Variants in FAM221A observed in about 807,000 individuals in gnomAD.
The protein encoded by FAM221A is protein FAM221A.
Under a neutral mutation model 37.6 loss-of-function variants are expected in FAM221A, and 43 were observed. The ratio of observed to expected loss-of-function variants is 1.15; its 90% confidence interval spans 0.90 to 1.48. The LOEUF (loss-of-function observed/expected upper bound fraction) is 1.48, where lower values mean the gene tolerates loss of function less well. Ranked by LOEUF, FAM221A falls within the 40% of genes most tolerant of loss-of-function variation. FAM221A has a pLI of 0.00. For missense variants in FAM221A, 361 were observed against 361.5 expected (o/e 1.00, Z 0.01); for synonymous variants, 135 against 132.9 (o/e 1.02, Z -0.11).
At position 23,698,273 on chromosome 7, in the gene FAM221A, G is replaced by A. The variant is rs141261638; in HGVS notation, c.719G>A (p.Ser240Asn). The change falls in exon 5 of 7, where the codon AGT (serine) becomes AAT (asparagine). Residue 240 changes from serine to asparagine, a missense_variant. Physicochemically the swap from Ser to Asn is conservative, Grantham distance 46. Transcript: ENST00000344962. ...CTAAAAGCATTTCAAGCATCATCTA[G>A]TTCTTCTCCAGAAACGTTAACAGAT... is the stretch of plus-strand genomic sequence containing the variant. ...PFLKAFQASS[S>N]SSPETLTDVG... 10 of 1,581,428 alleles carry A rather than the reference G, an allele frequency of 6.3e-6. No homozygotes were observed. The highest frequency in any genetic ancestry group is 1.1e-5 in the South Asian group (1 of 87,090).
rs538621006 is a variant in FAM221A, at chr7:23,692,355, T to C, written c.637+759T>C. The stretch of plus-strand genomic sequence containing the variant: ...ATTTTCTTTTCTTTTCTTTTTTTTT[T>C]TTTGAGACGGAGTTTTGCTCTTCTT... On this transcript the variant is annotated intron_variant, in intron 4 of 6. Coordinates refer to ENST00000344962, the MANE Select transcript of FAM221A (RefSeq NM_199136.5). 1.0e-5 allele frequency: 5 copies of C among 477,586 alleles called. No homozygotes were observed. The South Asian group carries it at 4.7e-4, about 45-fold the overall frequency. The allele number at this position is 477,586 out of a possible 1,614,324, so 29.6% of individuals were successfully genotyped here.
chr7:23,696,566 A>T (rs1198649915), intron 4 of FAM221A, among the ~76,000 whole-genome samples: 1 of 152,188 alleles, frequency 6.6e-6, no homozygotes, highest in African/African-American at 2.4e-5. Context: ...CCTGCCTCAA[A>T]GTAAATAAAT....
chr7:23,680,327 GC>G, intron 1 of FAM221A, 44 bp downstream of exon 1: 1 of 1,479,616 alleles, frequency 6.8e-7, no homozygotes. Context: ...GCTCCGAGGG[GC>G]CAGGATCCCT....
At chr7:23,696,439 G>C (rs576325038) in intron 4 of FAM221A, among the ~76,000 whole-genome samples, 1 of 152,262 alleles carries the variant, frequency 6.6e-6, no homozygotes, top group East Asian at 1.9e-4. Context: ...GTGTGTGCCT[G>C]TAATCCCAGC....
rs866802756 is a variant in FAM221A, at chr7:23,690,202, T to A, written c.430+743T>A. ...ATATATATATATATATATATATATT[T>A]TTTTTTTTTTTAATAGAGTTTTGCT... On this transcript the variant is annotated intron_variant, in intron 3 of 6. Transcript: ENST00000344962. Among the ~76,000 whole-genome samples, 340 of 134,590 alleles carry A rather than the reference T, an allele frequency of 2.5e-3. 1 individual carries two copies. Among genetic ancestry groups the A allele is most frequent in the East Asian group, 8.2e-3 (36 of 4,378 alleles). 88.3% of individuals were successfully genotyped at this position (134,590 alleles called of 152,430 possible). A position where few individuals can be genotyped will look rare whatever the true frequency, so the allele number is the denominator to read the frequency against.
At chr7:23,688,182 C>A (rs924395486) in intron 2 of FAM221A, 2 of 152,116 alleles carry the variant, frequency 1.3e-5, no homozygotes, top group Non-Finnish European at 2.9e-5. Flanking sequence ...GTAGCTGGGA[C>A]TACAGGTGCC....
At chr7:23,688,770 G>C (rs577877876) in intron 2 of FAM221A, 2 of 152,500 alleles carry the variant, frequency 1.3e-5, no homozygotes, top group South Asian at 4.1e-4. Context: ...CTGAGTAGCT[G>C]GGGTTACAGG....
intron 1 of FAM221A, among the ~76,000 whole-genome samples, chr7:23,683,385 A>G (rs1031466255): frequency 2.0e-5 from 3 of 152,186 alleles, no homozygotes; most frequent in Admixed American, 6.5e-5. Flanking sequence ...CCAAGTGTGT[A>G]TTTAGGTTCC....
At chr7:23,696,663 TATGTAACACATG>T (rs1414345079) in intron 4 of FAM221A, among the ~76,000 whole-genome samples, 1 of 152,242 alleles carries the variant, frequency 6.6e-6, no homozygotes, top group Non-Finnish European at 1.5e-5. Context: ...CAAAATGCCT[TATGTAACACATG>T]ATTTCATAGG....
intron 3 of FAM221A, among the ~76,000 whole-genome samples, chr7:23,690,201 T>TATATATATATA (rs1562522045): frequency 7.8e-5 from 3 of 38,504 alleles, no homozygotes; most frequent in East Asian, 1.3e-3. Context: ...ATATATATAT[T>TATATATATATA]TTTTTTTTTT....
At chr7:23,695,864 G>A (rs548485682) in intron 4 of FAM221A, among the ~76,000 whole-genome samples, 1 of 151,578 alleles carries the variant, frequency 6.6e-6, no homozygotes, top group African/African-American at 2.4e-5. Flanking sequence ...TCCAATATTT[G>A]TGACTCTTCT....
downstream of FAM221A, chr7:23,702,672 T>C (rs1358574553): frequency 4.5e-5 from 1 of 22,198 alleles, no homozygotes; most frequent in Non-Finnish European, 1.3e-4. Context: ...TATTACTGAT[T>C]TTTTTTTTCA....
rs1376155867 is a variant in FAM221A, at chr7:23,698,247, C to T, written c.693C>T (p.Phe231=). 5.0e-6 allele frequency: 8 copies of T among 1,598,646 alleles called. No individual in the cohort carries two copies. Among genetic ancestry groups the T allele is most frequent in the Non-Finnish European group, 6.8e-6 (8 of 1,172,628 alleles). Residue 231 remains phenylalanine, a synonymous_variant, in exon 5 of 7, where the codon TTC becomes TTT. Transcript: ENST00000344962. ...CCATTACGGCAGTAGACAGCCCATT[C>T]CTAAAAGCATTTCAAGCATCATCTA... The part of the protein sequence containing the change: ...ESPITAVDSP[F]LKAFQASSSS...
At chr7:23,686,381 A>T (rs1220198782) in intron 2 of FAM221A, 1 of 337,480 alleles carries the variant, frequency 3.0e-6, no homozygotes, top group Admixed American at 3.9e-5. Context: ...CTTCGACCTC[A>T]GCCTCCCAAG....
In FAM221A at chr7:23,689,347, C is replaced by T. The variant is rs781782705; in HGVS notation, c.318C>T (p.Cys106=). The change falls in exon 3 of 7, where the codon TGC becomes TGT. Residue 106 remains cysteine, a synonymous_variant. Transcript: ENST00000344962. Reference sequence around the variant, plus strand: ...ATCTGCCCTGCCAAGTGACTGGCTGCCAGTGCAGGGCTTACCTTTATGTCC... The same window carrying T: ...ATCTGCCCTGCCAAGTGACTGGCTGTCAGTGCAGGGCTTACCTTTATGTCC... ...PIDLPCQVTG[C]QCRAYLYVPL... is the part of the protein sequence containing the mutation. The T allele has an allele frequency of 2.5e-6, 4 of 1,604,310 alleles. No homozygotes were observed. Among genetic ancestry groups the T allele is most frequent in the Non-Finnish European group, 3.4e-6 (4 of 1,172,352 alleles).
intron 3 of FAM221A, among the ~76,000 whole-genome samples, chr7:23,689,764 A>AT: frequency 6.6e-6 from 1 of 152,204 alleles, no homozygotes; most frequent in Non-Finnish European, 1.5e-5. Flanking sequence ...ATGTGATCTG[A>AT]TTCAAATTTT....
chr7:23,682,437 TTA>T (rs71552246), intron 1 of FAM221A, among the ~76,000 whole-genome samples: 639 of 60,278 alleles, frequency 0.011, 12 homozygotes, highest in African/African-American at 0.029. Context: ...ATTATTATTA[TTA>T]TTTTTTTTTT....
At chr7:23,693,825 A>C (rs1784888745) in intron 4 of FAM221A, 1 of 152,154 alleles carries the variant, frequency 6.6e-6, no homozygotes, top group Non-Finnish European at 1.5e-5. Context: ...ACTCTACCAT[A>C]TTCTTTATTT....
At chr7:23,687,975 A>AT (rs1266218129) in intron 2 of FAM221A, 1 of 151,428 alleles carries the variant, frequency 6.6e-6, no homozygotes, top group African/African-American at 2.4e-5. Context: ...AGCATTGTGT[A>AT]TTACATATAG....
Sources: gnomAD v4.1 joint callset for allele counts (sites outside exome capture counted in the v4.1 genomes callset) on GRCh38, gnomAD v4.1.1 for gene constraint, MANE v1.5 for transcripts, NCBI Gene and HGNC (gene_info 2026-07-23, HGNC 2026-07-21) for gene names.